Variants in PLEKHH2 observed in about 807,000 individuals in gnomAD.
The protein encoded by PLEKHH2 is pleckstrin homology domain-containing family H member 2.
In PLEKHH2, 129 loss-of-function variants were observed where a neutral mutation model predicts 187.9. The observed-to-expected ratio is 0.69, with a 90% CI of 0.59 to 0.79. The LOEUF (loss-of-function observed/expected upper bound fraction) is 0.79, where lower values mean the gene tolerates loss of function less well. PLEKHH2 is among the 30% of genes least tolerant of loss of function. The probability of loss-of-function intolerance (pLI) is 0.00; values close to 1 mark genes in which losing one functional copy is unlikely to be tolerated. For synonymous variants in PLEKHH2, 686 were observed against 605.6 expected (o/e 1.13, Z -1.95); for missense variants, 2,076 against 1,751.2 (o/e 1.19, Z -3.31).
At chr2:43,656,682 G>A (rs979177576) in intron 2 of PLEKHH2, among the ~76,000 whole-genome samples, 4 of 152,184 alleles carry the variant, frequency 2.6e-5, no homozygotes, top group African/African-American at 9.7e-5. Context: ...TAAAAACATC[G>A]TGTTGTGCAC....
At chr2:43,655,144 G>A (rs1307493448) in intron 2 of PLEKHH2, among the ~76,000 whole-genome samples, 3 of 152,046 alleles carry the variant, frequency 2.0e-5, no homozygotes, top group Non-Finnish European at 4.4e-5. Context: ...AGTTCCGGGG[G>A]CTGCAGTGCT....
intron 6 of PLEKHH2, among the ~76,000 whole-genome samples, chr2:43,696,151 A>T (rs765888266): frequency 1.3e-5 from 2 of 152,120 alleles, no homozygotes; most frequent in Non-Finnish European, 1.5e-5. Flanking sequence ...AAAAAAACAT[A>T]TATCTCCAAA....
chr2:43,640,423 T>G (rs1001078832), intron 1 of PLEKHH2, among the ~76,000 whole-genome samples: 1 of 152,074 alleles, frequency 6.6e-6, no homozygotes, highest in African/African-American at 2.4e-5. Context: ...ACTCCTGACC[T>G]CAGAGATGAA....
In PLEKHH2 at chr2:43,726,365, A is replaced by C; in HGVS notation, c.2635A>C (p.Ser879Arg). 6.2e-7 allele frequency: 1 copy of C among 1,610,558 alleles called. No homozygotes were observed. The highest frequency in any genetic ancestry group is 8.5e-7 in the Non-Finnish European group (1 of 1,176,780). Residue 879 changes from serine (S) to arginine (R), a missense_variant, in exon 17 of 30, where the codon AGT becomes CGT. By Grantham distance (110) the Ser-to-Arg change is moderately radical. Transcript: ENST00000282406. ...SDEDYEASGR[S>R]LLSTHYTIVI... ...TGAAGATTATGAAGCCAGTGGACGAAGTCTGTTATCCACACATTATACTAT... is the reference window on the plus strand; with the variant it reads ...TGAAGATTATGAAGCCAGTGGACGACGTCTGTTATCCACACATTATACTAT...
At position 43,745,955 on chromosome 2, in the gene PLEKHH2, C is replaced by CGA; in HGVS notation, c.3645_3646insGA (p.Lys1216GlufsTer22). On this transcript the variant is annotated frameshift_variant, in exon 24 of 30. Coordinates refer to ENST00000282406, the MANE Select transcript of PLEKHH2 (RefSeq NM_172069.4). LOFTEE classifies it high-confidence loss of function. Reference sequence around the variant, plus strand: ...GTACAAGGACTGTTCGTCTGACATACAAAAACAGGTGTGTAATACTGCATC... The same window carrying CGA: ...GTACAAGGACTGTTCGTCTGACATACGAAAAAACAGGTGTGTAATACTGCATC... 2 of 1,605,242 alleles carry CGA rather than the reference C, an allele frequency of 1.2e-6. No homozygotes were observed. Among genetic ancestry groups the CGA allele is most frequent in the Non-Finnish European group, 1.7e-6 (2 of 1,173,582 alleles).
intron 2 of PLEKHH2, chr2:43,675,735 G>T: frequency 6.2e-7 from 1 of 1,613,802 alleles, no homozygotes; most frequent in Non-Finnish European, 8.5e-7. Context: ...CGAGAAGTCT[G>T]TTAAGTCTTT....
chr2:43,700,100 G>C lies in PLEKHH2; in HGVS notation c.1142G>C (p.Ser381Thr), dbSNP rs201331018. The C allele has an allele frequency of 6.2e-7, 1 of 1,614,124 alleles. No individual in the cohort carries two copies. The highest frequency in any genetic ancestry group is 8.5e-7 in the Non-Finnish European group (1 of 1,180,030). The change falls in exon 8 of 30, where the codon AGT (serine) becomes ACT (threonine). Residue 381 changes from serine (S) to threonine (T), a missense_variant. Coordinates refer to ENST00000282406, the MANE Select transcript of PLEKHH2 (RefSeq NM_172069.4). ...GAATTAAGTAAAAAGGAACAAGATA[G>C]TTCCTCGGATGAACTGAATAAAAAA... The part of the protein sequence containing the change: ...NSELSKKEQD[S>T]SSDELNKKFQ...
chr2:43,754,055 AG>A (rs1672106667), intron 25 of PLEKHH2, among the ~76,000 whole-genome samples: 2 of 147,066 alleles, frequency 1.4e-5, no homozygotes, highest in Non-Finnish European at 3.0e-5. Context: ...GTGGGCTTGA[AG>A]ATGTCATGCT....
chr2:43,719,161 G>A (rs943595762), intron 15 of PLEKHH2, among the ~76,000 whole-genome samples: 6 of 151,976 alleles, frequency 3.9e-5, no homozygotes, highest in African/African-American at 1.4e-4. Context: ...TTCTTCACAA[G>A]GCTGTGAGTT....
chr2:43,676,206 G>T, intron 2 of PLEKHH2: 2 of 1,613,988 alleles, frequency 1.2e-6, no homozygotes, highest in Non-Finnish European at 1.7e-6. Context: ...GGTGCTCGTG[G>T]TCTTGAGTTT....
At chr2:43,697,802 T>A (rs1280439864) in intron 7 of PLEKHH2, among the ~76,000 whole-genome samples, 1 of 152,168 alleles carries the variant, frequency 6.6e-6, no homozygotes, top group Non-Finnish European at 1.5e-5. Context: ...AACATTGGCA[T>A]AGCAAACTTC....
intron 19 of PLEKHH2, among the ~76,000 whole-genome samples, chr2:43,736,831 A>C (rs11902316): frequency 0.11 from 16,283 of 152,036 alleles, 1,159 homozygotes; most frequent in African/African-American, 0.2. Context: ...AAAAATAAAT[A>C]AATCAATCAA....
intron 8 of PLEKHH2, among the ~76,000 whole-genome samples, chr2:43,701,918 C>T (rs755317174): frequency 6.6e-6 from 1 of 152,096 alleles, no homozygotes; most frequent in African/African-American, 2.4e-5. Flanking sequence ...CAGACGTTTA[C>T]CACCACACCT....
intron 2 of PLEKHH2, chr2:43,676,203 G>C: frequency 2.5e-6 from 4 of 1,614,016 alleles, no homozygotes; most frequent in East Asian, 4.5e-5. Flanking sequence ...GATGGTGCTC[G>C]TGGTCTTGAG....
chr2:43,675,339 G>T, intron 2 of PLEKHH2: 1 of 1,426,364 alleles, frequency 7.0e-7, no homozygotes, highest in Non-Finnish European at 9.4e-7. Flanking sequence ...CATTTCAAGT[G>T]CTCTTGGACA....
At chr2:43,763,384 T>C (rs1286111699) in intron 28 of PLEKHH2, among the ~76,000 whole-genome samples, 1 of 152,060 alleles carries the variant, frequency 6.6e-6, no homozygotes, top group Admixed American at 6.6e-5. Context: ...TTTCAGGCTG[T>C]ATATTAGTTA....
intron 3 of PLEKHH2, chr2:43,692,279 A>G (rs1558499695): frequency 9.1e-6 from 3 of 330,342 alleles, no homozygotes; most frequent in Non-Finnish European, 1.7e-5. Flanking sequence ...ACATTACTTT[A>G]TATGATAGCA....
In PLEKHH2 at chr2:43,767,370, G is replaced by A. The variant is rs1672656834; in HGVS notation, c.*1772G>A. 1 of 152,190 alleles carries A rather than the reference G, an allele frequency of 6.6e-6. No individual in the cohort carries two copies. Among genetic ancestry groups the A allele is most frequent in the Non-Finnish European group, 1.5e-5 (1 of 68,004 alleles). The allele number at this position is 152,190 out of a possible 1,614,324, so 9.4% of individuals were successfully genotyped here. A position where few individuals can be genotyped will look rare whatever the true frequency, so the allele number is the denominator to read the frequency against. On this transcript the variant is annotated 3_prime_UTR_variant, in exon 30 of 30. Coordinates refer to ENST00000282406, the MANE Select transcript of PLEKHH2 (RefSeq NM_172069.4). ...AAGGGACAGAACTAAGAAATACATT[G>A]CTCAAATAATATTTTACTTTATTGA...
chr2:43,677,878 G>A (rs1324161561), intron 2 of PLEKHH2, among the ~76,000 whole-genome samples: 3 of 116,024 alleles, frequency 2.6e-5, no homozygotes, highest in East Asian at 4.1e-4. Flanking sequence ...CGGGCGGGGG[G>A]CTGATCTCCC....
Sources: gnomAD v4.1 joint callset for allele counts (sites outside exome capture counted in the v4.1 genomes callset) on GRCh38, gnomAD v4.1.1 for gene constraint, MANE v1.5 for transcripts, NCBI Gene and HGNC (gene_info 2026-07-23, HGNC 2026-07-21) for gene names.